The following AGMO variants were observed in gnomAD, a reference collection of about 807,000 sequenced individuals.
AGMO encodes the protein glyceryl-ether monooxygenase.
In AGMO, 75 loss-of-function variants were observed where a neutral mutation model predicts 60.2. The observed-to-expected ratio is 1.25, with a 90% CI of 1.03 to 1.51. AGMO has a LOEUF of 1.51. Among genes scored for constraint, AGMO ranks in the 40% most tolerant of loss-of-function variants. The pLI, the probability that AGMO is intolerant of heterozygous loss-of-function variation, is 0.00. For missense variants in AGMO, 763 were observed against 525.5 expected, an observed-to-expected ratio of 1.45 and a Z score of -4.42; for synonymous variants, 261 against 177.1, an observed-to-expected ratio of 1.47 and a Z score of -3.76.
intron 3 of AGMO, among the ~76,000 whole-genome samples, chr7:15,494,893 G>A (rs1783182649): frequency 6.6e-6 from 1 of 152,160 alleles, no homozygotes. Context: ...CTTACTAAAT[G>A]CAAGTTTTGC....
At position 15,286,662 on chromosome 7, in the gene AGMO, T is replaced by C. The variant is rs866439057; in HGVS notation, c.1263+78852A>G. Among the ~76,000 whole-genome samples, 56 of 152,106 alleles carry C rather than the reference T, an allele frequency of 3.7e-4. 1 individual carries two copies. Among genetic ancestry groups the C allele is most frequent in the African/African-American group, 1.3e-3 (53 of 41,436 alleles). On this transcript the variant is annotated intron_variant, in intron 12 of 12. Transcript: ENST00000342526. ...AGTAAAACATCTAAGGAAAACAGTA[T>C]GGAGATTTCTCAAAAAACTAAAAGA... is the stretch of plus-strand genomic sequence containing the variant.
At chr7:15,267,879 A>C (rs78885110) in intron 12 of AGMO, among the ~76,000 whole-genome samples, 2,750 of 152,074 alleles carry the variant, frequency 0.018, 92 homozygotes, top group African/African-American at 0.063. Flanking sequence ...GTAGCAAAGC[A>C]ATTTATAACA....
intron 12 of AGMO, among the ~76,000 whole-genome samples, chr7:15,227,269 A>G (rs1421374668): frequency 6.6e-6 from 1 of 152,024 alleles, no homozygotes; most frequent in East Asian, 1.9e-4. Context: ...ACTTCAGCCA[A>G]TCACATCAAG....
At chr7:15,440,162 A>G (rs564010717) in intron 3 of AGMO, among the ~76,000 whole-genome samples, 27 of 152,186 alleles carry the variant, frequency 1.8e-4, no homozygotes, top group Non-Finnish European at 3.2e-4. Context: ...TAAATATGGT[A>G]CTTATGTCCA....
At chr7:15,355,179 CTTAAAA>C (rs1298059542) in intron 12 of AGMO, among the ~76,000 whole-genome samples, 6 of 151,984 alleles carry the variant, frequency 3.9e-5, no homozygotes, top group South Asian at 2.1e-4. Flanking sequence ...CATCTGTGCA[CTTAAAA>C]TTAAAACAGT....
chr7:15,531,325 C>CTA (rs1260119122), intron 3 of AGMO, among the ~76,000 whole-genome samples: 2 of 12,150 alleles, frequency 1.6e-4, no homozygotes, highest in Admixed American at 1.6e-3. Flanking sequence ...TACATATATT[C>CTA]TATATATATT....
intron 3 of AGMO, among the ~76,000 whole-genome samples, chr7:15,440,136 C>T (rs1471823219): frequency 6.6e-6 from 1 of 152,114 alleles, no homozygotes; most frequent in African/African-American, 2.4e-5. Context: ...ACAGCAGTCC[C>T]CTCTTAAAAT....
intron 3 of AGMO, among the ~76,000 whole-genome samples, chr7:15,477,242 A>C (rs1045047714): frequency 7.2e-5 from 11 of 152,120 alleles, no homozygotes; most frequent in African/African-American, 2.7e-4. Flanking sequence ...AAGAACAAAA[A>C]CAATGTATAG....
chr7:15,436,762 T>C (rs1238955097), intron 3 of AGMO, among the ~76,000 whole-genome samples: 2 of 152,204 alleles, frequency 1.3e-5, no homozygotes, highest in African/African-American at 2.4e-5. Flanking sequence ...GATTTTGTTT[T>C]AATCCTTCAG....
chr7:15,221,834 T>C (rs1455688306), intron 12 of AGMO, among the ~76,000 whole-genome samples: 1 of 152,132 alleles, frequency 6.6e-6, no homozygotes, highest in Middle Eastern at 3.2e-3. Context: ...GCAGTATCCG[T>C]GAACTAGAAG....
chr7:15,540,933 C>G (rs1223498817), intron 3 of AGMO, among the ~76,000 whole-genome samples: 1 of 152,046 alleles, frequency 6.6e-6, no homozygotes, highest in Non-Finnish European at 1.5e-5. Flanking sequence ...AAATAGCACC[C>G]AAGGCAAGAT....
intron 3 of AGMO, among the ~76,000 whole-genome samples, chr7:15,463,685 G>A (rs1038390248): frequency 6.6e-6 from 1 of 152,152 alleles, no homozygotes; most frequent in South Asian, 2.1e-4. Context: ...TCTATCTAGA[G>A]GTGTGAAATT....
chr7:15,408,075 G>T (rs1315590234), intron 5 of AGMO, among the ~76,000 whole-genome samples: 1 of 151,836 alleles, frequency 6.6e-6, no homozygotes, highest in East Asian at 1.9e-4. Context: ...GCGTCATGAA[G>T]AATGTTTTAA....
intron 3 of AGMO, among the ~76,000 whole-genome samples, chr7:15,520,345 G>A (rs550168905): frequency 1.3e-5 from 2 of 152,270 alleles, no homozygotes; most frequent in South Asian, 4.1e-4. Context: ...GCATCAAGCA[G>A]ACCTAATAGA....
At chr7:15,418,239 G>A (rs112343895) in intron 5 of AGMO, among the ~76,000 whole-genome samples, 1 of 151,794 alleles carries the variant, frequency 6.6e-6, no homozygotes, top group African/African-American at 2.4e-5. Context: ...GAATTGAAAT[G>A]AATTTCAACA....
intron 12 of AGMO, among the ~76,000 whole-genome samples, chr7:15,226,743 A>T (rs1386739916): frequency 6.6e-6 from 1 of 152,088 alleles, no homozygotes; most frequent in Non-Finnish European, 1.5e-5. Context: ...ATTATTGTCA[A>T]ACCTTGATTT....
intron 12 of AGMO, among the ~76,000 whole-genome samples, chr7:15,327,033 C>A (rs777859846): frequency 6.6e-6 from 1 of 152,098 alleles, no homozygotes; most frequent in Admixed American, 6.6e-5. Context: ...AAGTTCATAA[C>A]ATATAATATT....
At chr7:15,236,342 T>C (rs1287173530) in intron 12 of AGMO, among the ~76,000 whole-genome samples, 1 of 152,172 alleles carries the variant, frequency 6.6e-6, no homozygotes, top group African/African-American at 2.4e-5. Flanking sequence ...AACTACATTA[T>C]AATTTATAAG....
downstream of AGMO, among the ~76,000 whole-genome samples, chr7:15,198,263 C>CAG (rs1331531844): frequency 1.6e-5 from 1 of 60,936 alleles, no homozygotes; most frequent in Non-Finnish European, 3.2e-5. Context: ...GAGACAGAGA[C>CAG]AGAGAGAGAG....
Sources: allele counts gnomAD v4.1 joint callset (sites outside exome capture counted in the v4.1 genomes callset), GRCh38; gene constraint gnomAD v4.1.1; transcripts MANE v1.5; gene names NCBI Gene and HGNC (gene_info 2026-07-23, HGNC 2026-07-21).